The following ARHGAP32 variants were observed in gnomAD, a reference collection of about 807,000 sequenced individuals.
ARHGAP32 encodes rho GTPase-activating protein 32.
Under a neutral mutation model 186.5 loss-of-function variants are expected in ARHGAP32, and 51 were observed. The ratio of observed to expected loss-of-function variants is 0.27; its 90% CI spans 0.22 to 0.35. The LOEUF is 0.35. ARHGAP32 is among the 10% of genes least tolerant of loss of function. The probability of loss-of-function intolerance (pLI) is 1.00; values close to 1 mark genes in which losing one functional copy is unlikely to be tolerated. For synonymous variants in ARHGAP32, 950 were observed against 964.3 expected (o/e 0.99, Z 0.27); for missense variants, 2,186 against 2,623.5 (o/e 0.83, Z 3.64).
At chr11:129,202,514 T>C (rs886464160) in intron 1 of ARHGAP32, among the ~76,000 whole-genome samples, 1 of 151,928 alleles carries the variant, frequency 6.6e-6, no homozygotes, top group Non-Finnish European at 1.5e-5. Context: ...AAATAGAATA[T>C]GAAAAAAAGC....
chr11:129,154,577 G>A lies in ARHGAP32; in HGVS notation c.225+9742C>T, dbSNP rs1433994644. 3.3e-5 allele frequency among the ~76,000 whole-genome samples: 5 copies of A among 152,148 alleles called. 1 individual carries two copies. The South Asian group carries it at 6.2e-4, about 19-fold the overall frequency. ...AAAAAGGAATGAAATAATGGCATCC[G>A]TAGCAACCTGGATGGGTTTGGAGAC... is the stretch of plus-strand genomic sequence containing the variant. On this transcript the variant is annotated intron_variant, in intron 2 of 22. Transcript: ENST00000682385.
chr11:129,250,890 G>A (rs189398624), intron 1 of ARHGAP32, among the ~76,000 whole-genome samples: 3 of 152,226 alleles, frequency 2.0e-5, no homozygotes, highest in African/African-American at 7.2e-5. Flanking sequence ...AATCTTCGTA[G>A]AAATCACACC....
At chr11:129,173,674 T>C (rs1408963253) in intron 1 of ARHGAP32, among the ~76,000 whole-genome samples, 2 of 152,174 alleles carry the variant, frequency 1.3e-5, no homozygotes, top group Admixed American at 6.5e-5. Flanking sequence ...CATATGCAAA[T>C]CAATAAATGT....
chr11:129,013,208 C>CAA (rs2134839265), intron 11 of ARHGAP32, among the ~76,000 whole-genome samples: 1 of 152,258 alleles, frequency 6.6e-6, no homozygotes, highest in South Asian at 2.1e-4. Flanking sequence ...AACTCTGTGC[C>CAA]CCCATTTGGC....
At chr11:129,032,768 T>A (rs1218826147) in intron 11 of ARHGAP32, among the ~76,000 whole-genome samples, 1 of 152,128 alleles carries the variant, frequency 6.6e-6, no homozygotes, top group African/African-American at 2.4e-5. Flanking sequence ...AATTCAAAAA[T>A]AGAAAGAGAC....
At chr11:129,196,067 G>A (rs1221388144), upstream of ARHGAP32, among the ~76,000 whole-genome samples, 1 of 152,172 alleles carries the variant, frequency 6.6e-6, no homozygotes, top group Non-Finnish European at 1.5e-5. Flanking sequence ...ACCTCCAAGA[G>A]GTAGGGAACC....
chr11:129,231,602 A>G (rs542681298), intron 1 of ARHGAP32, among the ~76,000 whole-genome samples: 2 of 152,278 alleles, frequency 1.3e-5, no homozygotes, highest in East Asian at 3.9e-4. Flanking sequence ...AACATTACAC[A>G]ACCACTTAAG....
intron 1 of ARHGAP32, among the ~76,000 whole-genome samples, chr11:129,252,661 G>C (rs1945200784): frequency 6.6e-6 from 1 of 152,174 alleles, no homozygotes; most frequent in African/African-American, 2.4e-5. Context: ...ACGTGAATTT[G>C]CATTAAAGCA....
intron 2 of ARHGAP32, among the ~76,000 whole-genome samples, chr11:129,134,031 G>A (rs1253403926): frequency 6.6e-6 from 1 of 152,056 alleles, no homozygotes. Flanking sequence ...TCTACTTGAA[G>A]TATAAAATAA....
At chr11:129,045,325 G>C (rs1939765106) in intron 10 of ARHGAP32, among the ~76,000 whole-genome samples, 1 of 152,184 alleles carries the variant, frequency 6.6e-6, no homozygotes, top group African/African-American at 2.4e-5. Context: ...AGAGACTCCT[G>C]CCTGGCATCA....
chr11:128,976,078 C>CATATATATATAT (rs71472082), intron 20 of ARHGAP32, among the ~76,000 whole-genome samples: 57 of 145,838 alleles, frequency 3.9e-4, no homozygotes, highest in African/African-American at 1.3e-3. Context: ...CTCTGTCTAA[C>CATATATATATAT]ATATATATAT....
chr11:129,179,707 C>A (rs1944007081), intron 1 of ARHGAP32, among the ~76,000 whole-genome samples: 1 of 151,820 alleles, frequency 6.6e-6, no homozygotes, highest in Non-Finnish European at 1.5e-5. Flanking sequence ...AAAAACCAAA[C>A]ACCGCACATT....
At chr11:129,159,253 T>G (rs1194284257) in intron 2 of ARHGAP32, among the ~76,000 whole-genome samples, 1 of 151,878 alleles carries the variant, frequency 6.6e-6, no homozygotes, top group African/African-American at 2.4e-5. Context: ...AAAAAATCAG[T>G]GAATCCAGGA....
chr11:129,003,430 T>C (rs544274850), intron 11 of ARHGAP32, among the ~76,000 whole-genome samples: 128 of 152,354 alleles, frequency 8.4e-4, no homozygotes, highest in Middle Eastern at 6.8e-3. Context: ...TCCTCTATTT[T>C]CTGAATAGTT....
chr11:129,210,812 G>A (rs911861649), intron 1 of ARHGAP32, among the ~76,000 whole-genome samples: 1 of 152,104 alleles, frequency 6.6e-6, no homozygotes, highest in African/African-American at 2.4e-5. Flanking sequence ...TTAGTAAATG[G>A]GGTATGATGT....
At chr11:129,264,759 C>G (rs1256804464) in intron 1 of ARHGAP32, among the ~76,000 whole-genome samples, 1 of 152,084 alleles carries the variant, frequency 6.6e-6, no homozygotes, top group Non-Finnish European at 1.5e-5. Flanking sequence ...AAAATCAGGT[C>G]TGGGAAGGTA....
At chr11:129,040,104 A>G (rs1939529845) in intron 11 of ARHGAP32, among the ~76,000 whole-genome samples, 1 of 151,660 alleles carries the variant, frequency 6.6e-6, no homozygotes, top group Non-Finnish European at 1.5e-5. Context: ...GGAAAATACC[A>G]AAAGAGTAAA....
chr11:128,999,950 G>A (rs511296), intron 11 of ARHGAP32, among the ~76,000 whole-genome samples: 52,389 of 152,006 alleles, frequency 0.34, 9,253 homozygotes, highest in Non-Finnish European at 0.38. Flanking sequence ...GTGTAAAAGC[G>A]GTTTGCATTT....
chr11:129,255,328 C>G (rs111566739), intron 1 of ARHGAP32, among the ~76,000 whole-genome samples: 6 of 152,030 alleles, frequency 3.9e-5, no homozygotes, highest in Non-Finnish European at 7.4e-5. Context: ...TCTACTAAAT[C>G]TCATGTGAAA....
Sources: gnomAD v4.1 joint callset for allele counts (sites outside exome capture counted in the v4.1 genomes callset) on GRCh38, gnomAD v4.1.1 for gene constraint, MANE v1.5 for transcripts, NCBI Gene and HGNC (gene_info 2026-07-23, HGNC 2026-07-21) for gene names.